TTC39B: variants seen among roughly 807,000 people sequenced by gnomAD.
TTC39B encodes tetratricopeptide repeat protein 39B.
A neutral mutation model predicts 96.6 loss-of-function variants in TTC39B; 92 were observed. That is an observed-to-expected ratio of 0.95 (90% CI 0.80 to 1.13). The LOEUF (loss-of-function observed/expected upper bound fraction) is 1.13, where lower values mean the gene tolerates loss of function less well. TTC39B is among the 50% of genes most tolerant of loss of function. The probability of loss-of-function intolerance (pLI) is 0.00; values close to 1 mark genes in which losing one functional copy is unlikely to be tolerated. For missense variants in TTC39B, 955 were observed against 809.3 expected (o/e 1.18, Z -2.18); for synonymous variants, 367 against 299.4 (o/e 1.23, Z -2.33).
At chr9:15,209,989 A>T (rs1820100218) in intron 6 of TTC39B, 99 bp downstream of exon 6, 2 of 855,650 alleles carry the variant, frequency 2.3e-6, no homozygotes, top group Admixed American at 4.9e-5. Context: ...AGAGAAAAAG[A>T]CATTCCATTT....
At chr9:15,238,021 T>C (rs1384176055) in intron 2 of TTC39B, among the ~76,000 whole-genome samples, 4 of 152,130 alleles carry the variant, frequency 2.6e-5, no homozygotes, top group Non-Finnish European at 5.9e-5. Flanking sequence ...ACCGTATGAT[T>C]ATCTCAATAG....
intron 19 of TTC39B, among the ~76,000 whole-genome samples, chr9:15,174,593 T>C (rs976067846): frequency 1.4e-4 from 21 of 152,226 alleles, no homozygotes; most frequent in Admixed American, 9.2e-4. Context: ...GTTGGCAAAC[T>C]AGGACCCAAG....
chr9:15,269,855 C>CA (rs1472978691), intron 1 of TTC39B, among the ~76,000 whole-genome samples: 3 of 87,296 alleles, frequency 3.4e-5, no homozygotes, highest in South Asian at 3.6e-4. Flanking sequence ...ACTCCGTCTC[C>CA]AAAAAAAAAG....
intron 16 of TTC39B, among the ~76,000 whole-genome samples, chr9:15,182,851 T>G (rs1196211336): frequency 6.6e-6 from 1 of 152,234 alleles, no homozygotes; most frequent in East Asian, 1.9e-4. Context: ...TTCACTGGGC[T>G]TAGGATCTTT....
At chr9:15,181,168 G>A (rs1818229586) in intron 17 of TTC39B, among the ~76,000 whole-genome samples, 1 of 152,116 alleles carries the variant, frequency 6.6e-6, no homozygotes, top group Non-Finnish European at 1.5e-5. Flanking sequence ...ACAGTAGGCT[G>A]GGCTCCTGGA....
chr9:15,254,284 GA>G (rs1256029234), intron 2 of TTC39B, among the ~76,000 whole-genome samples: 1 of 151,640 alleles, frequency 6.6e-6, no homozygotes, highest in Non-Finnish European at 1.5e-5. Context: ...ATATTTGTTA[GA>G]TTTTTTTTAA....
chr9:15,303,696 G>T (rs998626951), intron 1 of TTC39B, among the ~76,000 whole-genome samples: 1 of 151,394 alleles, frequency 6.6e-6, no homozygotes, highest in Admixed American at 6.6e-5. Context: ...ACAATGGTGC[G>T]ATCTCAGCTC....
intron 1 of TTC39B, among the ~76,000 whole-genome samples, chr9:15,300,608 G>A (rs1159640050): frequency 2.0e-5 from 3 of 152,158 alleles, no homozygotes; most frequent in Non-Finnish European, 4.4e-5. Context: ...CCATGTGGCT[G>A]GTTGCAGTGG....
chr9:15,270,898 G>C (rs373990896), intron 1 of TTC39B, among the ~76,000 whole-genome samples: 45 of 152,250 alleles, frequency 3.0e-4, no homozygotes, highest in African/African-American at 8.4e-4. Context: ...AAAAAGGAAA[G>C]GTGAAGAGAA....
intron 1 of TTC39B, among the ~76,000 whole-genome samples, chr9:15,278,072 G>T (rs1374307207): frequency 6.6e-6 from 1 of 152,126 alleles, no homozygotes; most frequent in Non-Finnish European, 1.5e-5. Context: ...AGCTAAAAAA[G>T]AAATGAAAAG....
chr9:15,243,063 C>T (rs563947935), intron 2 of TTC39B, among the ~76,000 whole-genome samples: 1 of 152,158 alleles, frequency 6.6e-6, no homozygotes, highest in Non-Finnish European at 1.5e-5. Flanking sequence ...GAGGCCAATG[C>T]AAAGACAACA....
chr9:15,303,912 G>A (rs1488270603), intron 1 of TTC39B, among the ~76,000 whole-genome samples: 1 of 152,302 alleles, frequency 6.6e-6, no homozygotes, highest in East Asian at 1.9e-4. Context: ...TGGGATTACA[G>A]GCATGAGCCA....
chr9:15,190,815 C>T (rs188839208), intron 10 of TTC39B, among the ~76,000 whole-genome samples, 153 bp from the exon 11 acceptor site: 2 of 152,240 alleles, frequency 1.3e-5, no homozygotes, highest in East Asian at 1.9e-4. Context: ...TCCCTATCAC[C>T]GCAAGAGTGA....
chr9:15,281,625 CAAAAAAAAAAA>C (rs1161175672), intron 1 of TTC39B, among the ~76,000 whole-genome samples: 2 of 49,008 alleles, frequency 4.1e-5, no homozygotes, highest in South Asian at 1.7e-3. Context: ...CCTGCAACAG[CAAAAAAAAAAA>C]AAAAAAAAAA....
At chr9:15,192,772 A>T in intron 8 of TTC39B, 77 bp from the exon 9 acceptor site, 1 of 965,216 alleles carries the variant, frequency 1.0e-6, no homozygotes, top group Non-Finnish European at 1.6e-6. Flanking sequence ...TTTTACACTT[A>T]TGTGCTATAA....
intron 2 of TTC39B, among the ~76,000 whole-genome samples, chr9:15,247,046 A>T (rs1822309996): frequency 6.6e-6 from 1 of 152,220 alleles, no homozygotes; most frequent in Non-Finnish European, 1.5e-5. Flanking sequence ...ACCAGACAAA[A>T]CTAGAAATAG....
At chr9:15,203,876 C>T (rs749644461) in exon 7 of TTC39B, 2 of 1,613,194 alleles carry the variant, frequency 1.2e-6, no homozygotes, top group South Asian at 1.1e-5. Context: ...TAACAGATTT[C>T]AGCATGCATT....
At chr9:15,289,034 C>G (rs532710827) in intron 1 of TTC39B, among the ~76,000 whole-genome samples, 11 of 152,176 alleles carry the variant, frequency 7.2e-5, no homozygotes, top group Non-Finnish European at 1.0e-4. Flanking sequence ...GTATAATTAT[C>G]CTTATTTTTG....
rs760500460 is a variant in TTC39B, at chr9:15,187,078, A to G, written c.1396-43T>C. On this transcript the variant is annotated intron_variant, in intron 14 of 19. Transcript: ENST00000512701. ...GCTTATTACAGAACATCCCTAGGTA[A>G]ATGACATTTCTACCTTTCAAATCAG... 2.1e-6 allele frequency: 3 copies of G among 1,440,528 alleles called. No individual in the cohort carries two copies. In the East Asian group the frequency reaches 7.1e-5, roughly 34 times the overall value. 89.2% of individuals were successfully genotyped at this position (1,440,528 alleles called of 1,614,324 possible).
Sources: allele counts gnomAD v4.1 joint callset (sites outside exome capture counted in the v4.1 genomes callset), GRCh38; gene constraint gnomAD v4.1.1; transcripts MANE v1.5; gene names NCBI Gene and HGNC (gene_info 2026-07-23, HGNC 2026-07-21).